The following FKBP2 variants were observed in gnomAD, a reference collection of about 807,000 sequenced individuals.
FKBP2 encodes FKBP prolyl isomerase 2.
FKBP2 carries 15 observed loss-of-function variants against 19.4 expected under a neutral mutation model. The observed-to-expected ratio is 0.77, with a 90% CI of 0.52 to 1.19. FKBP2 has a LOEUF of 1.19. Ranked by LOEUF, FKBP2 falls within the 50% of genes most tolerant of loss-of-function variation. The pLI is 0.00. For synonymous variants in FKBP2, 76 were observed against 74.8 expected, an observed-to-expected ratio of 1.02 and a Z score of -0.08; for missense variants, 170 against 179.0, an observed-to-expected ratio of 0.95 and a Z score of 0.29.
chr11:64,243,229 A>C lies in FKBP2; in HGVS notation c.202A>C (p.Ser68Arg). 1.2e-6 allele frequency: 2 copies of C among 1,613,746 alleles called. No homozygotes were observed. Among genetic ancestry groups the C allele is most frequent in the Non-Finnish European group, 1.7e-6 (2 of 1,179,948 alleles). The change falls in exon 3 of 6, where the codon AGC becomes CGC. Residue 68 changes from serine (S) to arginine (R), a missense_variant. Coordinates refer to ENST00000309366, the MANE Select transcript of FKBP2 (RefSeq NM_004470.4). ...GCTGGAAGATGGGACAGAGTTTGAC[A>C]GCAGCCTGCCCCAGAACCAGCCCTT... The part of the protein sequence containing the change: ...GKLEDGTEFD[S>R]SLPQNQPFVF...
chr11:64,243,216 GAC>G lies in FKBP2; in HGVS notation c.191_192del (p.Thr64ArgfsTer3), dbSNP rs1356186978. 1 of 1,613,696 alleles carries G rather than the reference GAC, an allele frequency of 6.2e-7. No homozygotes were observed. Among genetic ancestry groups the G allele is most frequent in the South Asian group, 1.1e-5 (1 of 91,040 alleles). ...TTCCACAGGGGAAGCTGGAAGATGG[GAC>G]AGAGTTTGACAGCAGCCTGCCCCAG... is the stretch of plus-strand genomic sequence containing the variant. The part of the protein sequence containing the change: ...MHYTGKLEDG[T>X]EFDSSLPQNQ... On this transcript the variant is annotated frameshift_variant, in exon 3 of 6. Transcript: ENST00000309366. LOFTEE classifies it high-confidence loss of function.
Position 64,243,232 on chromosome 11 carries a change from A to C in FKBP2, c.205A>C (p.Ser69Arg). ...GGAAGATGGGACAGAGTTTGACAGC[A>C]GCCTGCCCCAGAACCAGCCCTTTGT... ...KLEDGTEFDS[S>R]LPQNQPFVFS... The change falls in exon 3 of 6, where the codon AGC (serine) becomes CGC (arginine). Residue 69 changes from serine (S) to arginine (R), a missense_variant. By Grantham distance (110) the Ser-to-Arg change is moderately radical. Coordinates refer to ENST00000309366, the MANE Select transcript of FKBP2 (RefSeq NM_004470.4). 6.2e-7 allele frequency: 1 copy of C among 1,613,730 alleles called. No homozygotes were observed. The highest frequency in any genetic ancestry group is 1.1e-5 in the South Asian group (1 of 91,064).
chr11:64,241,293 A>AGGGTTCTCACGCCGCACGGGGC (rs2030466064), intron 1 of FKBP2, 161 bp downstream of exon 1: 1 of 130,642 alleles, frequency 7.7e-6, no homozygotes, highest in Non-Finnish European at 1.6e-5. Context: ...CCGCAGGGGG[A>AGGGTTCTCACGCCGCACGGGGC]GGGTTCTCAC....
Position 64,242,449 on chromosome 11 carries a change from C to A in FKBP2, c.62C>A (p.Thr21Lys). 2 of 1,548,882 alleles carry A rather than the reference C, an allele frequency of 1.3e-6. No individual in the cohort carries two copies. The highest frequency in any genetic ancestry group is 2.4e-5 in the South Asian group (2 of 83,556). Reference sequence around the variant, plus strand: ...TCCATCTGCCTGAGCGCCGTGGCCACGGCCACGGGGGCCGAGGGCAAAAGG... The same window carrying A: ...TCCATCTGCCTGAGCGCCGTGGCCAAGGCCACGGGGGCCGAGGGCAAAAGG... ...VLSICLSAVA[T>K]ATGAEGKRKL... The change falls in exon 2 of 6, where the codon ACG becomes AAG. Residue 21 changes from threonine to lysine, a missense_variant. Transcript: ENST00000309366.
chr11:64,242,442 G>A lies in FKBP2; in HGVS notation c.55G>A (p.Val19Met). 1 of 1,550,750 alleles carries A rather than the reference G, an allele frequency of 6.4e-7. No homozygotes were observed. The highest frequency in any genetic ancestry group is 8.7e-7 in the Non-Finnish European group (1 of 1,153,776). ...AGTACTGTCCATCTGCCTGAGCGCC[G>A]TGGCCACGGCCACGGGGGCCGAGGG... ...LTVLSICLSAVATATGAEGKR... is the reference protein window; with the variant it reads ...LTVLSICLSAMATATGAEGKR... Residue 19 changes from valine to methionine, a missense_variant, in exon 2 of 6, where the codon GTG becomes ATG. Transcript: ENST00000309366.
chr11:64,243,940 G>C, intron 5 of FKBP2, 28 bp from the exon 6 acceptor site: 1 of 1,614,030 alleles, frequency 6.2e-7, no homozygotes, highest in East Asian at 2.2e-5. Flanking sequence ...GCCCTGGTTG[G>C]CATTTTGACT....
chr11:64,243,397 TACAAG>T, intron 3 of FKBP2, 49 bp from the exon 4 acceptor site: 1 of 1,611,458 alleles, frequency 6.2e-7, no homozygotes, highest in Non-Finnish European at 8.5e-7. Flanking sequence ...GCCCCAGGGA[TACAAG>T]ACAAGGGCCC....
intron 2 of FKBP2, 94 bp downstream of exon 2, chr11:64,242,652 ACCTTGGGCAAGTCCCCTCTCG>A: frequency 7.3e-7 from 1 of 1,367,726 alleles, no homozygotes; most frequent in Non-Finnish European, 9.7e-7. Context: ...CAGGTAGGTG[ACCTTGGGCAAGTCCCCTCTCG>A]CCTCTAAGCC....
rs1044446222 is a variant in FKBP2, at chr11:64,243,133, G to A, written c.172-66G>A. 5 of 1,441,462 alleles carry A rather than the reference G, an allele frequency of 3.5e-6. No homozygotes were observed. The African/African-American group carries it at 7.0e-5, about 20-fold the overall frequency. 89.3% of individuals were successfully genotyped at this position (1,441,462 alleles called of 1,614,324 possible). A position where few individuals can be genotyped will look rare whatever the true frequency, so the allele number is the denominator to read the frequency against. On this transcript the variant is annotated intron_variant, in intron 2 of 5. Coordinates refer to ENST00000309366, the MANE Select transcript of FKBP2 (RefSeq NM_004470.4). ...GTGGGGGGGCAGCTTGATGGGGAAA[G>A]CAGCTGAGGGAGGGGGTGTCAGGGG...
At chr11:64,243,378 G>A in intron 3 of FKBP2, 67 bp downstream of exon 3, 1 of 1,607,198 alleles carries the variant, frequency 6.2e-7, no homozygotes. Flanking sequence ...GGTAAGCTGT[G>A]GGAGGCAAGC....
Position 64,242,576 on chromosome 11 carries a change from G to A in FKBP2, c.171+18G>A. 4 of 1,527,610 alleles carry A rather than the reference G, an allele frequency of 2.6e-6. No individual in the cohort carries two copies. The South Asian group carries it at 5.0e-5, about 19-fold the overall frequency. The allele number at this position is 1,527,610 out of a possible 1,614,324, so 94.6% of individuals were successfully genotyped here. A position where few individuals can be genotyped will look rare whatever the true frequency, so the allele number is the denominator to read the frequency against. ...ACTACACGGTGAGTGGGTTGGGCGG[G>A]CCTTTTGGGAGTGGGTGGGGCTTCC... On this transcript the variant is annotated intron_variant, in intron 2 of 5. Transcript: ENST00000309366.
At chr11:64,242,158 T>G (rs2030547702) in intron 1 of FKBP2, 1 of 474,708 alleles carries the variant, frequency 2.1e-6, no homozygotes, top group South Asian at 3.2e-5. Context: ...TGGCCTCCCC[T>G]GACCCCCTCC....
At position 64,242,511 on chromosome 11, in the gene FKBP2, T is replaced by A. The variant is rs147479947; in HGVS notation, c.124T>A (p.Cys42Ser). ...QIGVKKRVDH[C>S]PIKSRKGDVL... ...CGGGGTCAAGAAGCGGGTGGACCACTGTCCCATCAAATCGCGCAAAGGGGA... is the reference window on the plus strand; with the variant it reads ...CGGGGTCAAGAAGCGGGTGGACCACAGTCCCATCAAATCGCGCAAAGGGGA... The change falls in exon 2 of 6, where the codon TGT (cysteine) becomes AGT (serine). Residue 42 changes from cysteine (C) to serine (S), a missense_variant. Physicochemically the swap from Cys to Ser is moderately radical, Grantham distance 112. Transcript: ENST00000309366. 1.4e-4 allele frequency: 225 copies of A among 1,554,250 alleles called. No individual in the cohort carries two copies. Among genetic ancestry groups the A allele is most frequent in the Non-Finnish European group, 1.8e-4 (210 of 1,156,712 alleles).
At chr11:64,242,141 G>T in intron 1 of FKBP2, 1 of 448,036 alleles carries the variant, frequency 2.2e-6, no homozygotes. Context: ...CGGGTCCCTG[G>T]CTGCTGTGGC....
chr11:64,243,299 A>G lies in FKBP2; in HGVS notation c.272A>G (p.Gln91Arg). 1 of 1,605,166 alleles carries G rather than the reference A, an allele frequency of 6.2e-7. No homozygotes were observed. The change falls in exon 3 of 6, where the codon CAG becomes CGG. Residue 91 changes from glutamine (Q) to arginine (R), a missense_variant. Physicochemically the swap from Gln to Arg is conservative, Grantham distance 43. Coordinates refer to ENST00000309366, the MANE Select transcript of FKBP2 (RefSeq NM_004470.4). Reference protein sequence around the residue: ...GTGQVIKGWDQGLLGMCEGEK... With the variant: ...GTGQVIKGWDRGLLGMCEGEK... ...GGCCAGGTCATCAAGGGCTGGGACC[A>G]GGGGCTGCTGGGGTGAGTCATGGGG...
Position 64,243,950 on chromosome 11 carries a change from T to C in FKBP2, c.368-18T>C. On this transcript the variant is annotated intron_variant, in intron 5 of 5. Coordinates refer to ENST00000309366, the MANE Select transcript of FKBP2 (RefSeq NM_004470.4). Reference sequence around the variant, plus strand: ...CTGTGGCCCTGGTTGGCATTTTGACTCCCCTTCTCCCCTACAGGTGGTGCA... The same window carrying C: ...CTGTGGCCCTGGTTGGCATTTTGACCCCCCTTCTCCCCTACAGGTGGTGCA... 6.2e-7 allele frequency: 1 copy of C among 1,613,896 alleles called. No individual in the cohort carries two copies. The highest frequency in any genetic ancestry group is 1.1e-5 in the South Asian group (1 of 91,074).
chr11:64,242,996 C>CGGGAGGCAGAGGCTGCA (rs1204686265), intron 2 of FKBP2, among the ~76,000 whole-genome samples: 2 of 152,148 alleles, frequency 1.3e-5, no homozygotes, highest in Admixed American at 1.3e-4. Flanking sequence ...TGCTTGAACC[C>CGGGAGGCAGAGGCTGCA]GGGAGGCAGA....
At position 64,243,311 on chromosome 11, in the gene FKBP2, G is replaced by A. The variant is rs1451279883; in HGVS notation, c.284G>A (p.Gly95Glu). 6.2e-7 allele frequency: 1 copy of A among 1,602,516 alleles called. No homozygotes were observed. The change falls in exon 3 of 6, where the codon GGG becomes GAG. Residue 95 changes from glycine to glutamate, a missense_variant and splice_region_variant. Physicochemically the swap from Gly to Glu is moderately conservative, Grantham distance 98. Coordinates refer to ENST00000309366, the MANE Select transcript of FKBP2 (RefSeq NM_004470.4). ...AAGGGCTGGGACCAGGGGCTGCTGG[G>A]GTGAGTCATGGGGGAATGGGCTTGG... is the stretch of plus-strand genomic sequence containing the variant. ...VIKGWDQGLLGMCEGEKRKLV... is the reference protein window; with the variant it reads ...VIKGWDQGLLEMCEGEKRKLV...
Position 64,242,518 on chromosome 11 carries a change from T to C in FKBP2, c.131T>C (p.Ile44Thr). ...AAGAAGCGGGTGGACCACTGTCCCA[T>C]CAAATCGCGCAAAGGGGATGTCCTG... ...GVKKRVDHCP[I>T]KSRKGDVLHM... Residue 44 changes from isoleucine to threonine, a missense_variant, in exon 2 of 6, where the codon ATC becomes ACC. Ile to Thr is a moderately conservative substitution (Grantham distance 89). Coordinates refer to ENST00000309366, the MANE Select transcript of FKBP2 (RefSeq NM_004470.4). 6.4e-7 allele frequency: 1 copy of C among 1,551,860 alleles called. No individual in the cohort carries two copies. The highest frequency in any genetic ancestry group is 8.7e-7 in the Non-Finnish European group (1 of 1,155,442).
Sources: allele counts gnomAD v4.1 joint callset (sites outside exome capture counted in the v4.1 genomes callset), GRCh38; gene constraint gnomAD v4.1.1; transcripts MANE v1.5; gene names NCBI Gene and HGNC (gene_info 2026-07-23, HGNC 2026-07-21).